UNC5A: variants seen among roughly 807,000 people sequenced by gnomAD.
The protein encoded by UNC5A is netrin receptor UNC5A.
Under a neutral mutation model 87.4 loss-of-function variants are expected in UNC5A, and 20 were observed. The observed-to-expected ratio is 0.23, with a 90% confidence interval of 0.16 to 0.33. The LOEUF (loss-of-function observed/expected upper bound fraction) is 0.33, where lower values mean the gene tolerates loss of function less well. Ranked by LOEUF, UNC5A falls within the 10% of genes least tolerant of loss-of-function variation. The probability of loss-of-function intolerance (pLI) is 1.00; values close to 1 mark genes in which losing one functional copy is unlikely to be tolerated. For synonymous variants in UNC5A, 438 were observed against 482.3 expected (o/e 0.91, Z 1.20); for missense variants, 844 against 1,133.4 (o/e 0.74, Z 3.67).
chr5:176,850,590 G>T (rs1157987043), intron 1 of UNC5A, among the ~76,000 whole-genome samples: 4 of 152,142 alleles, frequency 2.6e-5, no homozygotes, highest in Non-Finnish European at 5.9e-5. Context: ...CGGGGCAGGA[G>T]CTGATGGGGG....
rs552008299 is a variant in UNC5A at position 176,869,888 on chromosome 5, C to T, written c.722-482C>T. On this transcript the variant is annotated intron_variant, in intron 5 of 14. Transcript: ENST00000329542. The surrounding 1 kb of genome is among the most constrained non-coding windows in gnomAD (Gnocchi z 9.1). ...CCCCCATGGCTCCATCCCACCCACC[C>T]GCCACGCAGGGCCAGGCTCAGTCTG... 43 of 578,410 alleles carry T rather than the reference C, an allele frequency of 7.4e-5. No homozygotes were observed. In the Admixed American group the frequency reaches 7.8e-4, roughly 10 times the overall value. 35.8% of individuals were successfully genotyped at this position (578,410 alleles called of 1,614,324 possible).
Position 176,870,398 on chromosome 5 carries a change from G to A in UNC5A, c.750G>A (p.Lys250=). 6.2e-7 allele frequency: 1 copy of A among 1,612,092 alleles called. No homozygotes were observed. The highest frequency in any genetic ancestry group is 8.5e-7 in the Non-Finnish European group (1 of 1,179,642). The change falls in exon 6 of 15, where the codon AAG becomes AAA. Residue 250 remains lysine, a synonymous_variant. Transcript: ENST00000329542. ...ACGGCAGCTGGAGCCCGTGGAGCAA[G>A]TGGTCGGCCTGTGGGCTGGACTGCA... ...YVDGSWSPWS[K]WSACGLDCTH...
rs372328932 is a variant in UNC5A, at chr5:176,879,465, G to A, written c.2340G>A (p.Leu780=). Residue 780 remains leucine (L), a synonymous_variant, in exon 14 of 15, where the codon CTG becomes CTA. Transcript: ENST00000329542. ...GGCGGGGTGCCGACTGGCGGACTCT[G>A]GCCCAGAAACTCCACCTGGACAGGT... ...PCRRGADWRT[L]AQKLHLDSHL... 5.6e-6 allele frequency: 9 copies of A among 1,610,004 alleles called. No individual in the cohort carries two copies. The African/African-American group carries it at 8.0e-5, about 14-fold the overall frequency.
rs202131166 is a variant in UNC5A at position 176,878,646 on chromosome 5, G to C, written c.2184+7G>C. 3 of 1,608,350 alleles carry C rather than the reference G, an allele frequency of 1.9e-6. No individual in the cohort carries two copies. Among genetic ancestry groups the C allele is most frequent in the South Asian group, 1.1e-5 (1 of 90,900 alleles). On this transcript the variant is annotated splice_region_variant and intron_variant, in intron 13 of 14. Transcript: ENST00000329542. ...CAACTTCAACATCACCAAGGTGGAC[G>C]GGAGGGGCTGCCGCACCGCCGTGAC...
chr5:176,823,889 C>T (rs936959004), intron 1 of UNC5A, among the ~76,000 whole-genome samples: 2 of 152,188 alleles, frequency 1.3e-5, no homozygotes, highest in Non-Finnish European at 2.9e-5. Flanking sequence ...CTCTGCCGCC[C>T]ATTGTTTTAA....
At chr5:176,825,248 G>A (rs1581245439) in intron 1 of UNC5A, among the ~76,000 whole-genome samples, 1 of 152,188 alleles carries the variant, frequency 6.6e-6, no homozygotes, top group Admixed American at 6.5e-5. Flanking sequence ...GGCCATGGCT[G>A]GGGTGGAAAG....
chr5:176,879,949 G>A lies in UNC5A; in HGVS notation c.*63G>A. 1 of 1,540,060 alleles carries A rather than the reference G, an allele frequency of 6.5e-7. No homozygotes were observed. Among genetic ancestry groups the A allele is most frequent in the Non-Finnish European group, 8.7e-7 (1 of 1,144,224 alleles). ...TGGCACCCACCAAGGACAGGCAGAA[G>A]CCGGACAGGGGCCCTTCCCCACACC... On this transcript the variant is annotated 3_prime_UTR_variant, in exon 15 of 15. Coordinates refer to ENST00000329542, the MANE Select transcript of UNC5A (RefSeq NM_133369.3).
chr5:176,827,688 T>C (rs1213485580), intron 1 of UNC5A, among the ~76,000 whole-genome samples: 1 of 152,230 alleles, frequency 6.6e-6, no homozygotes, highest in African/African-American at 2.4e-5. Flanking sequence ...TGCTGGGTCA[T>C]ACGGTAACTA....
chr5:176,839,807 CTTTTTTTTTTTTTT>C (rs58515865), intron 1 of UNC5A, among the ~76,000 whole-genome samples: 1 of 123,850 alleles, frequency 8.1e-6, no homozygotes, highest in African/African-American at 3.4e-5. Flanking sequence ...CGGCCACTTC[CTTTTTTTTTTTTTT>C]TTTTTTTTTT....
chr5:176,830,718 T>C (rs1756991863), intron 1 of UNC5A, among the ~76,000 whole-genome samples: 4 of 46,680 alleles, frequency 8.6e-5, no homozygotes, highest in South Asian at 1.3e-3. Context: ...GTGTGTGTGC[T>C]GGCATGTATG....
In UNC5A at chr5:176,874,434, A is replaced by G. The variant is rs770083330; in HGVS notation, c.1246A>G (p.Thr416Ala). 1.2e-6 allele frequency: 2 copies of G among 1,609,864 alleles called. No individual in the cohort carries two copies. Among genetic ancestry groups the G allele is most frequent in the Admixed American group, 1.7e-5 (1 of 59,682 alleles). The part of the protein sequence containing the change: ...GRHTLHHSSP[T>A]SEAEEFVSRL... ...CCACACACTGCACCACAGCTCTCCCACCTCTGAGGCCGAGGAGTTCGTCTC... is the reference window on the plus strand; with the variant it reads ...CCACACACTGCACCACAGCTCTCCCGCCTCTGAGGCCGAGGAGTTCGTCTC... Residue 416 changes from threonine (T) to alanine (A), a missense_variant, in exon 8 of 15, where the codon ACC (threonine) becomes GCC (alanine). Physicochemically the swap from Thr to Ala is moderately conservative, Grantham distance 58 (BLOSUM62 0). Around this residue, in one of 3 missense-constraint regions of UNC5A, gnomAD observed 353 missense variants for 387.5 expected, o/e 0.91. Transcript: ENST00000329542. This position sits in a 1 kb window ranked among gnomAD's most constrained non-coding sequence, Gnocchi z 7.6.
At chr5:176,853,099 C>T (rs934264168) in intron 1 of UNC5A, among the ~76,000 whole-genome samples, 6 of 152,150 alleles carry the variant, frequency 3.9e-5, no homozygotes, top group Admixed American at 3.3e-4. Context: ...GTGGGAAGAT[C>T]GGAGGCAGCG....
intron 1 of UNC5A, among the ~76,000 whole-genome samples, chr5:176,817,588 G>A (rs1180816013): frequency 2.2e-5 from 1 of 44,692 alleles, no homozygotes; most frequent in African/African-American, 8.7e-5. Flanking sequence ...CCCCACCCCC[G>A]CCCAAACAAA....
chr5:176,864,858 C>T (rs1415931025), intron 2 of UNC5A: 2 of 455,986 alleles, frequency 4.4e-6, no homozygotes, highest in East Asian at 7.0e-5. Flanking sequence ...CCCAACAGAA[C>T]CCTGGGCACC....
At chr5:176,820,345 C>T (rs1756697928) in intron 1 of UNC5A, among the ~76,000 whole-genome samples, 1 of 151,358 alleles carries the variant, frequency 6.6e-6, no homozygotes, top group South Asian at 2.1e-4. Context: ...TGCAGTGAGC[C>T]AAGATTGCAC....
At chr5:176,850,026 C>T (rs967445735) in intron 1 of UNC5A, among the ~76,000 whole-genome samples, 7 of 152,198 alleles carry the variant, frequency 4.6e-5, no homozygotes, top group South Asian at 4.1e-4. Context: ...AGGCTGACAG[C>T]GGAGGCAGGT....
At chr5:176,852,190 G>A (rs994725698) in intron 1 of UNC5A, among the ~76,000 whole-genome samples, 5 of 152,136 alleles carry the variant, frequency 3.3e-5, no homozygotes, top group African/African-American at 7.2e-5. Flanking sequence ...TGCTTGTGAG[G>A]CAGCTGGGCC....
At chr5:176,811,164 C>A (rs1403665291) in intron 1 of UNC5A, among the ~76,000 whole-genome samples, 2 of 152,154 alleles carry the variant, frequency 1.3e-5, no homozygotes, top group African/African-American at 4.8e-5. Context: ...TTTGAGGATT[C>A]GAAGATTAGA....
intron 9 of UNC5A, 85 bp downstream of exon 9, chr5:176,877,364 T>C (rs1758288172): frequency 7.1e-7 from 1 of 1,412,630 alleles, no homozygotes; most frequent in Non-Finnish European, 9.7e-7. Context: ...CCACCCACTG[T>C]TGTGCCTGGC....
Sources: allele counts gnomAD v4.1 joint callset (sites outside exome capture counted in the v4.1 genomes callset), GRCh38; gene constraint gnomAD v4.1.1; regional missense constraint gnomAD v4.1.1; non-coding constraint Gnocchi (gnomAD v3.1); transcripts MANE v1.5; gene names NCBI Gene and HGNC (gene_info 2026-07-23, HGNC 2026-07-21).